MTUS2: variants seen among roughly 807,000 people sequenced by gnomAD.
MTUS2 encodes the protein microtubule associated scaffold protein 2, also known as microtubule-associated tumor suppressor candidate 2.
Under a neutral mutation model 114.1 loss-of-function variants are expected in MTUS2, and 40 were observed. The observed-to-expected ratio is 0.35, with a 90% confidence interval of 0.27 to 0.46. MTUS2 has a LOEUF of 0.46. MTUS2 is among the 20% of genes least tolerant of loss of function. The pLI, the probability that MTUS2 is intolerant of heterozygous loss-of-function variation, is 1.00. For synonymous variants in MTUS2, 688 were observed against 672.0 expected (o/e 1.02, Z -0.37); for missense variants, 1,679 against 1,705.4 (o/e 0.98, Z 0.27).
At chr13:29,195,743 G>A (rs1231526211) in intron 5 of MTUS2, among the ~76,000 whole-genome samples, 1 of 152,146 alleles carries the variant, frequency 6.6e-6, no homozygotes, top group Non-Finnish European at 1.5e-5. Flanking sequence ...GTTGTTAGAA[G>A]AGTGTTTCAT....
chr13:28,936,240 C>T (rs373363371), intron 2 of MTUS2, among the ~76,000 whole-genome samples: 23 of 152,246 alleles, frequency 1.5e-4, no homozygotes, highest in African/African-American at 4.8e-4. Flanking sequence ...TTTGTCACCT[C>T]GAACTAGCAC....
intron 2 of MTUS2, among the ~76,000 whole-genome samples, chr13:28,902,284 T>A (rs1311719627): frequency 6.6e-6 from 1 of 152,148 alleles, no homozygotes; most frequent in Non-Finnish European, 1.5e-5. Context: ...ATAGTTTCAT[T>A]TTTTGCTTTC....
intron 2 of MTUS2, among the ~76,000 whole-genome samples, chr13:28,999,750 G>A (rs2138376535): frequency 6.6e-6 from 1 of 152,214 alleles, no homozygotes; most frequent in African/African-American, 2.4e-5. Flanking sequence ...TGTACCCATT[G>A]ACTAGCTTCT....
chr13:29,147,395 A>G (rs1246109346), intron 5 of MTUS2, among the ~76,000 whole-genome samples: 1 of 152,136 alleles, frequency 6.6e-6, no homozygotes, highest in Non-Finnish European at 1.5e-5. Context: ...TAAAAGAAGG[A>G]TTTTGTATGT....
intron 6 of MTUS2, among the ~76,000 whole-genome samples, chr13:29,306,435 C>T (rs1303049651): frequency 1.3e-5 from 2 of 152,150 alleles, no homozygotes; most frequent in East Asian, 3.8e-4. Context: ...GCCACTTCAG[C>T]AAAGTCTCGG....
intron 5 of MTUS2, among the ~76,000 whole-genome samples, chr13:29,132,795 T>C (rs1261662999): frequency 1.3e-5 from 2 of 152,248 alleles, no homozygotes; most frequent in African/African-American, 4.8e-5. Context: ...GCTACTGCAG[T>C]TAATACCACT....
chr13:29,394,283 A>G (rs1235732558), intron 8 of MTUS2, among the ~76,000 whole-genome samples: 1 of 152,202 alleles, frequency 6.6e-6, no homozygotes, highest in Non-Finnish European at 1.5e-5. Flanking sequence ...AGTTACAGGC[A>G]GACATCCATC....
intron 5 of MTUS2, among the ~76,000 whole-genome samples, chr13:29,161,184 T>G (rs1893081086): frequency 6.6e-6 from 1 of 152,166 alleles, no homozygotes; most frequent in African/African-American, 2.4e-5. Context: ...ACAAATGAGT[T>G]TAGGTAAAAA....
At chr13:29,380,302 G>T (rs1011659637) in intron 8 of MTUS2, among the ~76,000 whole-genome samples, 1 of 152,226 alleles carries the variant, frequency 6.6e-6, no homozygotes, top group African/African-American at 2.4e-5. Flanking sequence ...CCAGACAGCC[G>T]TGAATCTCAG....
rs563928876 is a variant in MTUS2, at chr13:28,990,699, G to A, written c.-242-33758G>A. Among the ~76,000 whole-genome samples the A allele has an allele frequency of 9.9e-5, 15 of 151,700 alleles. 1 individual carries two copies. In the South Asian group the frequency reaches 2.3e-3, roughly 23 times the overall value. On this transcript the variant is annotated intron_variant, in intron 2 of 15. Coordinates refer to ENST00000612955, the MANE Select transcript of MTUS2 (RefSeq NM_001033602.4). Reference sequence around the variant, plus strand: ...ATAGACCAATCAGCAGGACATGGGCGGGGACAAATAAGGGAATAAAAGCTG... The same window carrying A: ...ATAGACCAATCAGCAGGACATGGGCAGGGACAAATAAGGGAATAAAAGCTG...
Position 29,025,638 on chromosome 13 carries a change from T to A in MTUS2, c.940T>A (p.Tyr314Asn). The change falls in exon 3 of 16, where the codon TAT (tyrosine) becomes AAT (asparagine). Residue 314 changes from tyrosine to asparagine, a missense_variant. This residue lies in a region of MTUS2 where 843 missense variants were observed against 770.8 expected (regional missense o/e 1.09). Coordinates refer to ENST00000612955, the MANE Select transcript of MTUS2 (RefSeq NM_001033602.4). ...GGGAGAGGCCAAGCTGGATCTGAAA[T>A]ATGTTCCTCCCAGGAGAGTTGAACA... The part of the protein sequence containing the change: ...GKGEAKLDLK[Y>N]VPPRRVEQEG... 2 of 1,613,970 alleles carry A rather than the reference T, an allele frequency of 1.2e-6. No individual in the cohort carries two copies. The highest frequency in any genetic ancestry group is 1.7e-6 in the Non-Finnish European group (2 of 1,179,878).
rs532351307 is a variant in MTUS2, at chr13:29,279,519, G to A, written c.2645-2185G>A. Among the ~76,000 whole-genome samples, 127 of 152,292 alleles carry A rather than the reference G, an allele frequency of 8.3e-4. 1 individual carries two copies. The highest frequency in any genetic ancestry group is 5.6e-4 in the Non-Finnish European group (38 of 68,028). ...TTGTGAAGTACTGGGAGCATTTATA[G>A]AATTGAACAGCCATTTCCAAATTCA... On this transcript the variant is annotated intron_variant, in intron 5 of 15. Coordinates refer to ENST00000612955, the MANE Select transcript of MTUS2 (RefSeq NM_001033602.4).
chr13:29,144,632 A>G (rs934075533), intron 5 of MTUS2, among the ~76,000 whole-genome samples: 3 of 152,124 alleles, frequency 2.0e-5, no homozygotes, highest in Non-Finnish European at 4.4e-5. Flanking sequence ...TCTGGAGGTC[A>G]CCCTCAGTTC....
intron 5 of MTUS2, among the ~76,000 whole-genome samples, chr13:29,114,167 T>A (rs555717838): frequency 4.2e-4 from 64 of 152,108 alleles, no homozygotes; most frequent in African/African-American, 1.2e-3. Flanking sequence ...TTTTTTTTTT[T>A]AAATAAATTA....
chr13:29,462,734 T>C (rs1044157272), intron 9 of MTUS2, among the ~76,000 whole-genome samples: 6 of 152,110 alleles, frequency 3.9e-5, no homozygotes, highest in Admixed American at 1.3e-4. Flanking sequence ...GGCTGTGCTT[T>C]TGTGTGGTCT....
chr13:29,140,272 T>G (rs910222678), intron 5 of MTUS2, among the ~76,000 whole-genome samples: 1 of 152,142 alleles, frequency 6.6e-6, no homozygotes, highest in Non-Finnish European at 1.5e-5. Flanking sequence ...GAATAAGCCA[T>G]GAAGAGGTGG....
At chr13:29,205,362 G>T (rs1292639964) in intron 5 of MTUS2, among the ~76,000 whole-genome samples, 6 of 152,102 alleles carry the variant, frequency 3.9e-5, no homozygotes, top group Non-Finnish European at 8.8e-5. Flanking sequence ...TGAATAGATT[G>T]TCTGTCTCTG....
chr13:28,995,194 A>C (rs749013443), intron 2 of MTUS2, among the ~76,000 whole-genome samples: 4 of 152,216 alleles, frequency 2.6e-5, no homozygotes, highest in Non-Finnish European at 4.4e-5. Flanking sequence ...CAGGTTTGTC[A>C]AAGATCAGAT....
chr13:29,024,081 T>C (rs1378726301), intron 2 of MTUS2, among the ~76,000 whole-genome samples: 5 of 152,244 alleles, frequency 3.3e-5, no homozygotes, highest in Non-Finnish European at 7.3e-5. Context: ...AAGATAATTA[T>C]GAATGTAGCG....
Sources: gnomAD v4.1 joint callset for allele counts (sites outside exome capture counted in the v4.1 genomes callset) on GRCh38, gnomAD v4.1.1 for gene constraint, gnomAD v4.1.1 regional missense constraint, MANE v1.5 for transcripts, NCBI Gene and HGNC (gene_info 2026-07-23, HGNC 2026-07-21) for gene names.